Variants in RIC1 observed in about 807,000 individuals in gnomAD.
RIC1 encodes the protein RIC1 partner of RAB6A GEF complex.
RIC1 carries 88 observed loss-of-function variants against 169.0 expected under a neutral mutation model. That is an observed-to-expected ratio of 0.52 (90% confidence interval 0.44 to 0.62). The LOEUF (loss-of-function observed/expected upper bound fraction) is 0.62. RIC1 is among the 20% of genes least tolerant of loss of function. The pLI, the probability that RIC1 is intolerant of heterozygous loss-of-function variation, is 0.00. For missense variants in RIC1, 1,877 were observed against 1,725.5 expected, an observed-to-expected ratio of 1.09 and a Z score of -1.56; for synonymous variants, 790 against 601.5, an observed-to-expected ratio of 1.31 and a Z score of -4.59.
intron 5 of RIC1, 90 bp from the exon 6 acceptor site, chr9:5,720,524 C>G (rs1823521936): frequency 4.5e-6 from 6 of 1,322,798 alleles, no homozygotes; most frequent in Middle Eastern, 1.9e-4. Context: ...TATTTTTACC[C>G]TTTTAAACTT....
At chr9:5,667,502 A>G (rs951239500) in intron 2 of RIC1, among the ~76,000 whole-genome samples, 16 of 130,882 alleles carry the variant, frequency 1.2e-4, no homozygotes, top group Middle Eastern at 8.2e-3. Context: ...CTCCACCGCC[A>G]CCTTTTTTTT....
chr9:5,762,469 T>C (rs1223082271), intron 17 of RIC1, 72 bp from the exon 18 acceptor site: 16 of 1,563,826 alleles, frequency 1.0e-5, no homozygotes, highest in East Asian at 9.0e-5. Flanking sequence ...ATAAACCTTA[T>C]GGATTGGGGG....
chr9:5,742,760 T>C (rs1206930843), intron 8 of RIC1, 109 bp from the exon 9 acceptor site: 25 of 984,246 alleles, frequency 2.5e-5, no homozygotes, highest in Non-Finnish European at 3.6e-5. Context: ...CAGTCATACC[T>C]TTCTACTCAT....
chr9:5,759,304 CA>C (rs1826195068), intron 17 of RIC1, among the ~76,000 whole-genome samples: 1 of 152,132 alleles, frequency 6.6e-6, no homozygotes, highest in Non-Finnish European at 1.5e-5. Context: ...ATGAAGTTCA[CA>C]AGAATTATTG....
At chr9:5,699,687 G>A (rs180761071) in intron 3 of RIC1, among the ~76,000 whole-genome samples, 2 of 152,148 alleles carry the variant, frequency 1.3e-5, no homozygotes, top group East Asian at 1.9e-4. Context: ...TAAATAAAAT[G>A]TAATTGTTGG....
chr9:5,659,739 T>G (rs1179406118), intron 2 of RIC1, among the ~76,000 whole-genome samples: 1 of 152,186 alleles, frequency 6.6e-6, no homozygotes, highest in African/African-American at 2.4e-5. Flanking sequence ...TTCATTAAAT[T>G]TATTTTTAAG....
intron 4 of RIC1, among the ~76,000 whole-genome samples, chr9:5,718,234 T>C (rs1823387156): frequency 6.6e-6 from 1 of 150,384 alleles, no homozygotes; most frequent in Non-Finnish European, 1.5e-5. Context: ...TATACAAGGC[T>C]GGTTTATGAG....
chr9:5,675,651 ATAAAGC>A (rs1820395686), intron 2 of RIC1, among the ~76,000 whole-genome samples: 1 of 152,230 alleles, frequency 6.6e-6, no homozygotes, highest in Non-Finnish European at 1.5e-5. Flanking sequence ...TGATATAAAA[ATAAAGC>A]TATCAGACTG....
chr9:5,764,649 C>T (rs1370175809), intron 19 of RIC1, among the ~76,000 whole-genome samples: 1 of 152,188 alleles, frequency 6.6e-6, no homozygotes, highest in East Asian at 1.9e-4. Context: ...CCAGAGGAGA[C>T]ACTCAAGCAG....
intron 22 of RIC1, 33 bp from the exon 23 acceptor site, chr9:5,770,053 TC>T (rs1335089905): frequency 6.4e-7 from 1 of 1,553,810 alleles, no homozygotes; most frequent in South Asian, 1.2e-5. Context: ...TTCAATTTCT[TC>T]CTCCATTTTT....
At chr9:5,726,598 G>T (rs929691846) in intron 6 of RIC1, among the ~76,000 whole-genome samples, 12 of 152,194 alleles carry the variant, frequency 7.9e-5, no homozygotes, top group African/African-American at 2.9e-4. Context: ...CTGTCATTAT[G>T]ATGTTAGCTG....
At chr9:5,731,860 C>G (rs1161725639) in intron 6 of RIC1, among the ~76,000 whole-genome samples, 1 of 152,084 alleles carries the variant, frequency 6.6e-6, no homozygotes, top group Non-Finnish European at 1.5e-5. Context: ...GAAAGCAGTC[C>G]TGAGCTGTCA....
chr9:5,668,147 A>G (rs988810913), intron 2 of RIC1, among the ~76,000 whole-genome samples: 2 of 152,160 alleles, frequency 1.3e-5, no homozygotes, highest in Non-Finnish European at 2.9e-5. Flanking sequence ...AAGTACCATC[A>G]GATCTCGTAA....
At chr9:5,757,819 A>G (rs1005725582) in intron 17 of RIC1, among the ~76,000 whole-genome samples, 1 of 152,202 alleles carries the variant, frequency 6.6e-6, no homozygotes, top group Admixed American at 6.5e-5. Flanking sequence ...GGTGGAAGGA[A>G]CAGTAGTGCA....
At chr9:5,634,235 C>T (rs186515108) in intron 1 of RIC1, among the ~76,000 whole-genome samples, 38 of 152,208 alleles carry the variant, frequency 2.5e-4, no homozygotes, top group South Asian at 4.1e-4. Context: ...ATTTCAATTC[C>T]TTTGGATATA....
chr9:5,724,075 G>GT (rs1479785668), intron 6 of RIC1, among the ~76,000 whole-genome samples: 2 of 152,158 alleles, frequency 1.3e-5, no homozygotes, highest in Non-Finnish European at 2.9e-5. Flanking sequence ...CTTTAAAGTA[G>GT]TTTTTTCCAA....
intron 1 of RIC1, among the ~76,000 whole-genome samples, chr9:5,629,788 C>T (rs1293600579): frequency 1.3e-5 from 2 of 152,238 alleles, no homozygotes; most frequent in African/African-American, 4.8e-5. Flanking sequence ...CCCCGAGGGA[C>T]AAATTTGTTT....
intron 2 of RIC1, among the ~76,000 whole-genome samples, chr9:5,677,482 C>T (rs1260253153): frequency 6.6e-6 from 1 of 152,044 alleles, no homozygotes; most frequent in Non-Finnish European, 1.5e-5. Flanking sequence ...GCACCTTTGT[C>T]AAAAATCAGT....
At position 5,643,507 on chromosome 9, in the gene RIC1, C is replaced by CA. The variant is rs1007783837; in HGVS notation, c.145-13067dup. Reference sequence around the variant, plus strand: ...AGGATGACAGGGTGAAACCCTTTCTCAAAAAAAAAGTTATGAAAAATATGG... The same window carrying CA: ...AGGATGACAGGGTGAAACCCTTTCTCAAAAAAAAAAGTTATGAAAAATATGG... On this transcript the variant is annotated intron_variant, in intron 1 of 25. Transcript: ENST00000414202. Among the ~76,000 whole-genome samples the CA allele has an allele frequency of 4.5e-4, 68 of 150,358 alleles. 1 individual carries two copies. Among genetic ancestry groups the CA allele is most frequent in the African/African-American group, 1.5e-3 (60 of 41,012 alleles).
Sources: allele counts gnomAD v4.1 joint callset (sites outside exome capture counted in the v4.1 genomes callset), GRCh38; gene constraint gnomAD v4.1.1; transcripts MANE v1.5; gene names NCBI Gene and HGNC (gene_info 2026-07-23, HGNC 2026-07-21).